Variants in LIMK1 observed in about 807,000 individuals in gnomAD.
LIMK1 encodes the protein LIM motif-containing protein kinase.
A neutral mutation model predicts 77.6 loss-of-function variants in LIMK1; 21 were observed. The observed-to-expected ratio is 0.27, with a 90% CI of 0.19 to 0.39. LIMK1 has a LOEUF of 0.39. Ranked by LOEUF, LIMK1 falls within the 10% of genes least tolerant of loss-of-function variation. LIMK1 has a pLI of 1.00. For missense variants in LIMK1, 696 were observed against 901.6 expected, an observed-to-expected ratio of 0.77 and a Z score of 2.92; for synonymous variants, 358 against 370.0, an observed-to-expected ratio of 0.97 and a Z score of 0.37.
intron 2 of LIMK1, among the ~76,000 whole-genome samples, chr7:74,094,816 G>A (rs1040673646): frequency 6.6e-6 from 1 of 150,938 alleles, no homozygotes; most frequent in Admixed American, 6.6e-5. Context: ...GGCGTCTCCT[G>A]CCGCCCCTGC....
chr7:74,106,280 TCA>T, intron 7 of LIMK1, 37 bp downstream of exon 7: 1 of 1,570,382 alleles, frequency 6.4e-7, no homozygotes, highest in Non-Finnish European at 8.6e-7. Context: ...CTGGGTGCTT[TCA>T]CTCCTGCTGG....
intron 5 of LIMK1, 127 bp downstream of exon 5, chr7:74,099,365 T>C: frequency 1.1e-6 from 1 of 879,576 alleles, no homozygotes; most frequent in South Asian, 1.6e-5. Context: ...GGCCCAGTTC[T>C]GACAACCTGG....
chr7:74,102,484 C>CTTTTTTTTTTTTTTTTGTTTTTTTTTTT (rs1799483379), intron 5 of LIMK1, among the ~76,000 whole-genome samples: 1 of 54,042 alleles, frequency 1.9e-5, no homozygotes, highest in Admixed American at 3.5e-4. Context: ...AGGACCTTCT[C>CTTTTTTTTTTTTTTTTGTTTTTTTTTTT]TTTTTTTTTT....
chr7:74,108,502 C>T (rs1799628202), intron 9 of LIMK1, among the ~76,000 whole-genome samples: 1 of 151,676 alleles, frequency 6.6e-6, no homozygotes, highest in Non-Finnish European at 1.5e-5. Context: ...AAAATTAGCC[C>T]AGCATGATGG....
Position 74,120,932 on chromosome 7 carries a change from G to A in LIMK1, c.1664G>A (p.Arg555His), listed in dbSNP as rs1554700442. Residue 555 changes from arginine to histidine, a missense_variant, in exon 15 of 16, where the codon CGC (arginine) becomes CAC (histidine). Physicochemically the swap from Arg to His is conservative, Grantham distance 29. Coordinates refer to ENST00000336180, the MANE Select transcript of LIMK1 (RefSeq NM_002314.4). ...RVNADPDYLP[R>H]TMDFGLNVRG... ...AACGCAGACCCTGACTACCTGCCCC[G>A]CACCATGGACTTTGGCCTCAACGTG... 2 of 1,614,114 alleles carry A rather than the reference G, an allele frequency of 1.2e-6. No individual in the cohort carries two copies. Among genetic ancestry groups the A allele is most frequent in the South Asian group, 1.1e-5 (1 of 91,084 alleles).
At chr7:74,087,712 C>T (rs1361742703) in intron 2 of LIMK1, among the ~76,000 whole-genome samples, 1 of 152,076 alleles carries the variant, frequency 6.6e-6, no homozygotes, top group East Asian at 1.9e-4. Context: ...GCTTCAGCCT[C>T]CCAAGTAGCT....
intron 5 of LIMK1, among the ~76,000 whole-genome samples, chr7:74,101,814 A>G (rs2115684084): frequency 6.6e-6 from 1 of 152,054 alleles, no homozygotes; most frequent in African/African-American, 2.4e-5. Flanking sequence ...ATATATATAT[A>G]TATATATATA....
chr7:74,097,208 C>T lies in LIMK1; in HGVS notation c.401+19C>T. ...TGTACTGGTGAGTGCCTTGGCCCCT[C>T]CCTGAGCCTAGGAGGCCCACCTGTG... On this transcript the variant is annotated intron_variant, in intron 4 of 15. Coordinates refer to ENST00000336180, the MANE Select transcript of LIMK1 (RefSeq NM_002314.4). 6.5e-7 allele frequency: 1 copy of T among 1,539,736 alleles called. No homozygotes were observed.
Position 74,085,735 on chromosome 7 carries a change from T to C in LIMK1, c.56-13T>C, listed in dbSNP as rs1554693953. ...TCCTGAGAATGCTTCCCAACTCCCT[T>C]CCCACCCTGCAGGAAGCGAGTTGCC... On this transcript the variant is annotated splice_polypyrimidine_tract_variant and intron_variant, in intron 1 of 15. Coordinates refer to ENST00000336180, the MANE Select transcript of LIMK1 (RefSeq NM_002314.4). 5.2e-6 allele frequency: 8 copies of C among 1,550,680 alleles called. No individual in the cohort carries two copies. In the Admixed American group the frequency reaches 1.4e-4, roughly 27 times the overall value.
chr7:74,090,983 G>A (rs145433079), intron 2 of LIMK1, among the ~76,000 whole-genome samples: 298 of 152,066 alleles, frequency 2.0e-3, no homozygotes, highest in African/African-American at 6.9e-3. Context: ...GCGCAATCTC[G>A]GCTTACTGCA....
Position 74,106,153 on chromosome 7 carries a change from A to G in LIMK1, c.791A>G (p.His264Arg), listed in dbSNP as rs781945335. ...LEHDPHDTLG[H>R]GLGPETSPLS... ...CATGACCCTCACGATACACTGGGCCACGGGCTGGGGCCTGAGACCAGCCCC... is the reference window on the plus strand; with the variant it reads ...CATGACCCTCACGATACACTGGGCCGCGGGCTGGGGCCTGAGACCAGCCCC... Residue 264 changes from histidine (H) to arginine (R), a missense_variant, in exon 7 of 16, where the codon CAC (histidine) becomes CGC (arginine). Physicochemically the swap from His to Arg is conservative, Grantham distance 29. Around this residue, in one of 3 missense-constraint regions of LIMK1, gnomAD observed 438 missense variants for 602.3 expected, o/e 0.73. Coordinates refer to ENST00000336180, the MANE Select transcript of LIMK1 (RefSeq NM_002314.4). 1 of 1,614,046 alleles carries G rather than the reference A, an allele frequency of 6.2e-7. No individual in the cohort carries two copies. The highest frequency in any genetic ancestry group is 8.5e-7 in the Non-Finnish European group (1 of 1,180,030).
chr7:74,121,426 G>A lies in LIMK1; in HGVS notation c.*125G>A. 1 of 1,042,612 alleles carries A rather than the reference G, an allele frequency of 9.6e-7. No homozygotes were observed. The highest frequency in any genetic ancestry group is 1.3e-6 in the Non-Finnish European group (1 of 742,158). The allele number at this position is 1,042,612 out of a possible 1,614,324, so 64.6% of individuals were successfully genotyped here. ...AGGCTTCTCCTCAGAGCCAGGCCCT[G>A]ACTTGCCTTCTCCCACCCCGTGGAC... On this transcript the variant is annotated 3_prime_UTR_variant, in exon 16 of 16. Coordinates refer to ENST00000336180, the MANE Select transcript of LIMK1 (RefSeq NM_002314.4).
Position 74,106,169 on chromosome 7 carries a change from G to T in LIMK1, c.807G>T (p.Glu269Asp), listed in dbSNP as rs145280906. 88 of 1,613,932 alleles carry T rather than the reference G, an allele frequency of 5.5e-5. No homozygotes were observed. The highest frequency in any genetic ancestry group is 8.3e-5 in the Admixed American group (5 of 60,010). Residue 269 changes from glutamate (E) to aspartate (D), a missense_variant, in exon 7 of 16, where the codon GAG becomes GAT. Physicochemically the swap from Glu to Asp is conservative, Grantham distance 45. Coordinates refer to ENST00000336180, the MANE Select transcript of LIMK1 (RefSeq NM_002314.4). Reference sequence around the variant, plus strand: ...CACTGGGCCACGGGCTGGGGCCTGAGACCAGCCCCCTGAGCTCTCCGGCTT... The same window carrying T: ...CACTGGGCCACGGGCTGGGGCCTGATACCAGCCCCCTGAGCTCTCCGGCTT... ...HDTLGHGLGPETSPLSSPAYT... is the reference protein window; with the variant it reads ...HDTLGHGLGPDTSPLSSPAYT...
At chr7:74,107,688 A>C (rs1799605414) in intron 8 of LIMK1, among the ~76,000 whole-genome samples, 183 bp from the exon 9 acceptor site, 1 of 151,964 alleles carries the variant, frequency 6.6e-6, no homozygotes, top group Non-Finnish European at 1.5e-5. Context: ...TCAAAAAAAA[A>C]AAAAAAAAGA....
intron 2 of LIMK1, among the ~76,000 whole-genome samples, chr7:74,088,743 A>G (rs894336131): frequency 2.0e-5 from 3 of 147,832 alleles, no homozygotes; most frequent in East Asian, 4.2e-4. Flanking sequence ...CGGAGGCTGC[A>G]GTGAGCTGAG....
At position 74,099,210 on chromosome 7, in the gene LIMK1, G is replaced by T; in HGVS notation, c.580G>T (p.Glu194Ter). Residue 194 changes from glutamate (E) to a stop codon, truncating the protein, a stop_gained, in exon 5 of 16, where the codon GAG (glutamate) becomes TAG (stop). Coordinates refer to ENST00000336180, the MANE Select transcript of LIMK1 (RefSeq NM_002314.4). LOFTEE classifies it high-confidence loss of function. ...GCACGGCCCACCGGGCTGTGGCACC[G>T]AGCACTCACACACCGTCCGCGTCCA... Reference protein sequence around the residue: ...PPHGPPGCGTEHSHTVRVQGV... With the variant: ...PPHGPPGCGT 6.2e-7 allele frequency: 1 copy of T among 1,608,342 alleles called. No individual in the cohort carries two copies. Among genetic ancestry groups the T allele is most frequent in the South Asian group, 1.1e-5 (1 of 91,080 alleles).
At chr7:74,084,840 G>A (rs1554693839) in intron 1 of LIMK1, among the ~76,000 whole-genome samples, 1 of 152,144 alleles carries the variant, frequency 6.6e-6, no homozygotes, top group Non-Finnish European at 1.5e-5. Context: ...AGATCCACCT[G>A]GCCCCAAGGC....
At chr7:74,084,797 C>CAT (rs1554693825) in intron 1 of LIMK1, among the ~76,000 whole-genome samples, 22 of 152,284 alleles carry the variant, frequency 1.4e-4, no homozygotes, top group African/African-American at 5.3e-4. Context: ...TCTGGGGGCC[C>CAT]CTCCTTGGAT....
At chr7:74,097,032 T>C (rs782419180) in intron 3 of LIMK1, 48 bp from the exon 4 acceptor site, 2 of 1,420,174 alleles carry the variant, frequency 1.4e-6, no homozygotes, top group South Asian at 1.2e-5. Context: ...TCTGTGGGGG[T>C]TGTTGGGTCT....
Sources: allele counts gnomAD v4.1 joint callset (sites outside exome capture counted in the v4.1 genomes callset), GRCh38; gene constraint gnomAD v4.1.1; regional missense constraint gnomAD v4.1.1; transcripts MANE v1.5; gene names NCBI Gene and HGNC (gene_info 2026-07-23, HGNC 2026-07-21).